SORCS2: variants seen among roughly 807,000 people sequenced by gnomAD.
SORCS2 encodes sortilin related VPS10 domain containing receptor 2, also known as VPS10 domain-containing receptor SorCS2.
A neutral mutation model predicts 141.6 loss-of-function variants in SORCS2; 100 were observed. The ratio of observed to expected loss-of-function variants is 0.71; its 90% CI spans 0.60 to 0.83. SORCS2 has a LOEUF of 0.83. SORCS2 is among the 40% of genes least tolerant of loss of function. The probability of loss-of-function intolerance (pLI) is 0.00; values close to 1 mark genes in which losing one functional copy is unlikely to be tolerated. For missense variants in SORCS2, 1,646 were observed against 1,560.2 expected (o/e 1.05, Z -0.93); for synonymous variants, 789 against 676.9 (o/e 1.17, Z -2.57).
At chr4:7,290,654 C>T (rs1716537239) in intron 1 of SORCS2, among the ~76,000 whole-genome samples, 1 of 152,214 alleles carries the variant, frequency 6.6e-6, no homozygotes. Context: ...AGTGTTCCTC[C>T]TGCCCCTCAT....
At chr4:7,731,894 A>T (rs1433081745) in intron 23 of SORCS2, among the ~76,000 whole-genome samples, 1 of 152,248 alleles carries the variant, frequency 6.6e-6, no homozygotes, top group Non-Finnish European at 1.5e-5. Context: ...AGTTTGAGCA[A>T]TGCTGTTTTG....
chr4:7,644,790 CCTCA>C (rs1446748217), intron 4 of SORCS2, among the ~76,000 whole-genome samples: 1 of 152,208 alleles, frequency 6.6e-6, no homozygotes, highest in East Asian at 1.9e-4. Context: ...GGAGGCGTGT[CCTCA>C]CTCACCACCT....
At chr4:7,369,247 G>A (rs1722098660) in intron 1 of SORCS2, among the ~76,000 whole-genome samples, 2 of 152,192 alleles carry the variant, frequency 1.3e-5, no homozygotes, top group South Asian at 4.1e-4. Flanking sequence ...GGAGGTGGAG[G>A]TTGCAGTGAT....
chr4:7,330,460 C>A (rs1011343489), intron 1 of SORCS2, among the ~76,000 whole-genome samples: 6 of 151,812 alleles, frequency 4.0e-5, no homozygotes, highest in Non-Finnish European at 7.4e-5. Flanking sequence ...CATCCACCCC[C>A]ACGCACACCC....
rs527710223 is a variant in SORCS2 at position 7,578,496 on chromosome 4, C to T, written c.648+46867C>T. Among the ~76,000 whole-genome samples the T allele has an allele frequency of 5.9e-5, 9 of 152,364 alleles. No homozygotes were observed. In the Middle Eastern group the frequency reaches 0.014, roughly 230 times the overall value. ...TCCCTGTGAATTACAACCAAATTAT[C>T]CATCACAATTACTTCCAGTTAATTT... is the stretch of plus-strand genomic sequence containing the variant. On this transcript the variant is annotated intron_variant, in intron 3 of 26. Transcript: ENST00000507866.
chr4:7,729,709 T>C lies in SORCS2; in HGVS notation c.3105T>C (p.Asp1035=). The C allele has an allele frequency of 6.2e-7, 1 of 1,611,246 alleles. No homozygotes were observed. The highest frequency in any genetic ancestry group is 1.1e-5 in the South Asian group (1 of 90,182). ...RPTRKRSLSS[D]KRLAAIQQVL... is the part of the protein sequence containing the mutation. ...CAAGGAAGAGGAGCCTCTCGAGTGA[T>C]AAGGTATGTCCTGTGGCCGCTGCAC... The change falls in exon 23 of 27, where the codon GAT becomes GAC. Residue 1035 remains aspartate (D), a synonymous_variant. Transcript: ENST00000507866.
rs527339931 is a variant in SORCS2 at position 7,664,600 on chromosome 4, G to A, written c.1071+129G>A. On this transcript the variant is annotated intron_variant, in intron 7 of 26. Transcript: ENST00000507866. This position sits in a 1 kb window ranked among gnomAD's most constrained non-coding sequence, Gnocchi z 4.7. ...GTATTTCACTCTCAAATGCTACTTC[G>A]CAGGTCACGGTTTCTGACCGTGGCT... 3.3e-5 allele frequency: 22 copies of A among 659,728 alleles called. No individual in the cohort carries two copies. The highest frequency in any genetic ancestry group is 2.8e-4 in the Middle Eastern group (1 of 3,574). The allele number at this position is 659,728 out of a possible 1,614,324, so 40.9% of individuals were successfully genotyped here.
intron 8 of SORCS2, 110 bp from the exon 9 acceptor site, chr4:7,675,940 A>G: frequency 2.4e-6 from 3 of 1,269,630 alleles, no homozygotes; most frequent in Non-Finnish European, 2.2e-6. Flanking sequence ...GGCTGGCTCC[A>G]GGAGAGCCAG....
At chr4:7,341,849 T>G (rs1241468393) in intron 1 of SORCS2, among the ~76,000 whole-genome samples, 1 of 152,208 alleles carries the variant, frequency 6.6e-6, no homozygotes, top group Admixed American at 6.5e-5. Flanking sequence ...ATTAGGCACT[T>G]CCCATTTCTC....
chr4:7,503,243 T>C (rs1202322140), intron 2 of SORCS2, among the ~76,000 whole-genome samples: 2 of 152,166 alleles, frequency 1.3e-5, no homozygotes, highest in Non-Finnish European at 2.9e-5. Context: ...GCCACACATA[T>C]ATATGTCACC....
intron 2 of SORCS2, among the ~76,000 whole-genome samples, chr4:7,423,581 A>C (rs1726231804): frequency 6.6e-6 from 1 of 152,260 alleles, no homozygotes; most frequent in Non-Finnish European, 1.5e-5. Flanking sequence ...CACCCAGCTG[A>C]GACTGGACAT....
chr4:7,656,362 G>A (rs977968208), intron 5 of SORCS2, among the ~76,000 whole-genome samples: 9 of 151,962 alleles, frequency 5.9e-5, no homozygotes, highest in Non-Finnish European at 1.0e-4. Flanking sequence ...CAGCTGCCCC[G>A]CAGCCATCCT....
At chr4:7,519,169 A>C (rs1387428351) in intron 2 of SORCS2, among the ~76,000 whole-genome samples, 1 of 152,174 alleles carries the variant, frequency 6.6e-6, no homozygotes, top group Non-Finnish European at 1.5e-5. Flanking sequence ...CGAGGGGAGC[A>C]CCGGCAGCTC....
chr4:7,672,900 C>T (rs1391502190), intron 8 of SORCS2, among the ~76,000 whole-genome samples: 1 of 152,198 alleles, frequency 6.6e-6, no homozygotes. Flanking sequence ...GAGCTTTTTC[C>T]TGTTTCTGTT....
chr4:7,421,029 G>A (rs539802587), intron 2 of SORCS2, among the ~76,000 whole-genome samples: 1 of 152,312 alleles, frequency 6.6e-6, no homozygotes, highest in East Asian at 1.9e-4. Context: ...CCTCCTCCTT[G>A]GAGATGGAGA....
intron 2 of SORCS2, among the ~76,000 whole-genome samples, chr4:7,468,274 C>T (rs1268386920): frequency 5.9e-5 from 9 of 152,194 alleles, no homozygotes; most frequent in Admixed American, 3.9e-4. Context: ...CTATTAACAT[C>T]GTCATGGGTC....
rs1719057385 is a variant in SORCS2 at position 7,620,036 on chromosome 4, TCCTCCTCCTC to T, written c.649-18290_649-18281del. Among the ~76,000 whole-genome samples, 10 of 150,134 alleles carry T rather than the reference TCCTCCTCCTC, an allele frequency of 6.7e-5. No homozygotes were observed. In the South Asian group the frequency reaches 1.9e-3, roughly 29 times the overall value. On this transcript the variant is annotated intron_variant, in intron 3 of 26. Coordinates refer to ENST00000507866, the MANE Select transcript of SORCS2 (RefSeq NM_020777.3). ...CCTCCTCCTTCCTCCTCCTCCTCCT[TCCTCCTCCTC>T]CTCCTTCCTCTTCCTCCTCTTCTTC... is the stretch of plus-strand genomic sequence containing the variant.
intron 1 of SORCS2, among the ~76,000 whole-genome samples, chr4:7,243,910 G>A (rs1310584602): frequency 6.6e-6 from 1 of 151,602 alleles, no homozygotes; most frequent in Admixed American, 6.6e-5. Flanking sequence ...GCACGCAGCA[G>A]GCCTGGCCCG....
chr4:7,634,910 G>A (rs1014279508), intron 3 of SORCS2, among the ~76,000 whole-genome samples: 1 of 152,218 alleles, frequency 6.6e-6, no homozygotes, highest in Non-Finnish European at 1.5e-5. Flanking sequence ...ACAGACCCAC[G>A]TTGAGAGGCA....
Sources: gnomAD v4.1 joint callset for allele counts (sites outside exome capture counted in the v4.1 genomes callset) on GRCh38, gnomAD v4.1.1 for gene constraint, Gnocchi (gnomAD v3.1) non-coding constraint, MANE v1.5 for transcripts, NCBI Gene and HGNC (gene_info 2026-07-23, HGNC 2026-07-21) for gene names.